RBFOX1: variants seen among roughly 807,000 people sequenced by gnomAD.
RBFOX1 encodes RNA binding fox-1 homolog 1.
Under a neutral mutation model 57.7 loss-of-function variants are expected in RBFOX1, and 8 were observed. That is an observed-to-expected ratio of 0.14 (90% CI 0.08 to 0.25). RBFOX1 has a LOEUF of 0.25. Among genes scored for constraint, RBFOX1 ranks in the 10% least tolerant of loss-of-function variants. RBFOX1 has a pLI of 1.00. For missense variants in RBFOX1, 611 were observed against 548.5 expected, an observed-to-expected ratio of 1.11 and a Z score of -1.14; for synonymous variants, 326 against 222.4, an observed-to-expected ratio of 1.47 and a Z score of -4.15.
At chr16:6,978,489 A>T (rs1294891874) in intron 3 of RBFOX1, among the ~76,000 whole-genome samples, 1 of 152,188 alleles carries the variant, frequency 6.6e-6, no homozygotes, top group East Asian at 1.9e-4. Flanking sequence ...GGTAGGTTGT[A>T]TTATTATCTC....
intron 1 of RBFOX1, among the ~76,000 whole-genome samples, chr16:5,330,700 C>A (rs1468405015): frequency 6.0e-5 from 9 of 151,238 alleles, no homozygotes; most frequent in African/African-American, 7.3e-5. Context: ...CCAGTTTGCC[C>A]AGCCTACTTT....
rs780143029 is a variant in RBFOX1 at position 7,710,604 on chromosome 16, T to C, written c.1072-19T>C. The C allele has an allele frequency of 6.2e-7, 1 of 1,610,372 alleles. No homozygotes were observed. On this transcript the variant is annotated intron_variant, in intron 15 of 15. Transcript: ENST00000550418. ...AAGGAAAATGTAAAAAACACACCCC[T>C]CAAATTGCTTTGTTTCAGAATGCTT...
At chr16:5,977,231 G>A (rs141207651) in intron 4 of RBFOX1, among the ~76,000 whole-genome samples, 192 of 152,290 alleles carry the variant, frequency 1.3e-3, no homozygotes, top group African/African-American at 4.5e-3. Context: ...TTGGAAAAAT[G>A]GTTGATGATG....
At chr16:7,511,758 C>T (rs1007544523) in intron 4 of RBFOX1, among the ~76,000 whole-genome samples, 7 of 152,064 alleles carry the variant, frequency 4.6e-5, no homozygotes, top group Non-Finnish European at 8.8e-5. Flanking sequence ...TTGAGTTGCT[C>T]TCGTTGACTG....
At chr16:6,783,064 T>C (rs990084279) in intron 3 of RBFOX1, among the ~76,000 whole-genome samples, 2 of 152,140 alleles carry the variant, frequency 1.3e-5, no homozygotes, top group East Asian at 1.9e-4. Context: ...ATGTTCTTTT[T>C]TGGTTTTCAT....
chr16:6,525,168 C>A (rs1011846771), intron 2 of RBFOX1, among the ~76,000 whole-genome samples: 5 of 152,156 alleles, frequency 3.3e-5, no homozygotes, highest in Non-Finnish European at 5.9e-5. Flanking sequence ...ACATCCTGAA[C>A]TATAGTAAGT....
chr16:6,581,498 C>G (rs570151332), intron 2 of RBFOX1, among the ~76,000 whole-genome samples: 1 of 152,278 alleles, frequency 6.6e-6, no homozygotes, highest in East Asian at 1.9e-4. Context: ...AGACCTCTAC[C>G]CTGGGCTCTG....
At chr16:6,169,807 C>G (rs1024904328) in intron 1 of RBFOX1, among the ~76,000 whole-genome samples, 3 of 151,368 alleles carry the variant, frequency 2.0e-5, no homozygotes, top group African/African-American at 7.3e-5. Context: ...CTCTATCACC[C>G]AGGCTGGAGT....
intron 2 of RBFOX1, among the ~76,000 whole-genome samples, chr16:5,496,050 C>T (rs2042991196): frequency 6.6e-6 from 1 of 152,134 alleles, no homozygotes; most frequent in Non-Finnish European, 1.5e-5. Flanking sequence ...TGCTTCAACC[C>T]AGGAGGCAGG....
chr16:6,637,621 A>T (rs906571429), intron 2 of RBFOX1, among the ~76,000 whole-genome samples: 4 of 81,270 alleles, frequency 4.9e-5, no homozygotes, highest in Non-Finnish European at 1.2e-4. Flanking sequence ...ATTTAACTTG[A>T]AAAGGTTGAA....
At chr16:7,065,457 C>G (rs1307046982) in intron 4 of RBFOX1, among the ~76,000 whole-genome samples, 11 of 152,158 alleles carry the variant, frequency 7.2e-5, no homozygotes, top group Non-Finnish European at 1.6e-4. Flanking sequence ...ATGGGTTTTT[C>G]TGAACCTGCT....
At chr16:6,532,575 A>G (rs1361587676) in intron 2 of RBFOX1, among the ~76,000 whole-genome samples, 9 of 152,172 alleles carry the variant, frequency 5.9e-5, no homozygotes, top group Middle Eastern at 3.4e-3. Context: ...CATCCCCTTC[A>G]TGGAGATCAT....
chr16:7,142,309 C>A (rs920611142), intron 4 of RBFOX1, among the ~76,000 whole-genome samples: 1 of 152,148 alleles, frequency 6.6e-6, no homozygotes, highest in African/African-American at 2.4e-5. Context: ...TGGACATGAG[C>A]CACCACACCT....
chr16:5,639,173 C>G (rs2048779559), intron 3 of RBFOX1, among the ~76,000 whole-genome samples: 1 of 152,190 alleles, frequency 6.6e-6, no homozygotes, highest in Non-Finnish European at 1.5e-5. Context: ...CTTGAACTTG[C>G]TTTTGGCTTC....
intron 3 of RBFOX1, among the ~76,000 whole-genome samples, chr16:5,817,178 CTGTG>C (rs145780304): frequency 6.6e-6 from 1 of 152,010 alleles, no homozygotes; most frequent in Non-Finnish European, 1.5e-5. Flanking sequence ...CTCTATCTCT[CTGTG>C]TGTGTGTGTT....
chr16:7,052,031 TC>T, intron 3 of RBFOX1, 25 bp from the exon 4 acceptor site: 2 of 1,564,160 alleles, frequency 1.3e-6, no homozygotes, highest in African/African-American at 1.4e-5. Context: ...TTCTGACTTT[TC>T]CCCTTCATTT....
chr16:6,457,973 G>A (rs529524326), intron 2 of RBFOX1, among the ~76,000 whole-genome samples: 8 of 151,130 alleles, frequency 5.3e-5, no homozygotes, highest in African/African-American at 1.5e-4. Flanking sequence ...AAACAGATGC[G>A]TGTGCACACA....
rs900709833 is a variant in RBFOX1 at position 6,703,152 on chromosome 16, T to C, written c.-16+48502T>C. Among the ~76,000 whole-genome samples, 15 of 152,362 alleles carry C rather than the reference T, an allele frequency of 9.8e-5. 1 individual carries two copies. In the Middle Eastern group the frequency reaches 0.01, roughly 104 times the overall value. ...ATATATCATGTTTTGTTTTGTTATA[T>C]CATGTTTTGTTCATTTCTCTGTTGA... On this transcript the variant is annotated intron_variant, in intron 3 of 15. Transcript: ENST00000550418.
intron 3 of RBFOX1, among the ~76,000 whole-genome samples, chr16:6,722,526 G>A (rs1323990816): frequency 6.0e-5 from 1 of 16,700 alleles, no homozygotes; most frequent in African/African-American, 6.5e-5. Context: ...TTGGCATTTT[G>A]CCAAGTCATT....
Sources: allele counts gnomAD v4.1 joint callset (sites outside exome capture counted in the v4.1 genomes callset), GRCh38; gene constraint gnomAD v4.1.1; transcripts MANE v1.5; gene names NCBI Gene and HGNC (gene_info 2026-07-23, HGNC 2026-07-21).